Variants in PTH2R observed in about 807,000 individuals in gnomAD.
The protein encoded by PTH2R is PTH2 receptor.
PTH2R carries 59 observed loss-of-function variants against 60.3 expected under a neutral mutation model. The ratio of observed to expected loss-of-function variants is 0.98; its 90% CI spans 0.79 to 1.22. The LOEUF is 1.22. Ranked by LOEUF, PTH2R falls within the 50% of genes most tolerant of loss-of-function variation. The probability of loss-of-function intolerance (pLI) is 0.00; values close to 1 mark genes in which losing one functional copy is unlikely to be tolerated. For missense variants in PTH2R, 749 were observed against 682.6 expected (o/e 1.10, Z -1.08); for synonymous variants, 256 against 243.8 (o/e 1.05, Z -0.47).
rs1702390749 is a variant in PTH2R at position 208,450,774 on chromosome 2, A to G, written c.879A>G (p.Ala293=). 5 of 1,614,030 alleles carry G rather than the reference A, an allele frequency of 3.1e-6. No individual in the cohort carries two copies. Among genetic ancestry groups the G allele is most frequent in the Non-Finnish European group, 4.2e-6 (5 of 1,179,916 alleles). The change falls in exon 8 of 13, where the codon GCA becomes GCG. Residue 293 remains alanine (A), a synonymous_variant. Coordinates refer to ENST00000272847, the MANE Select transcript of PTH2R (RefSeq NM_005048.4). ...GWGFPAAFVA[A]WAVARATLAD... ...GGTTTCCAGCAGCATTTGTTGCAGC[A>G]TGGGCTGTGGCACGAGCAACTCTGG...
intron 1 of PTH2R, among the ~76,000 whole-genome samples, chr2:208,377,316 C>G (rs1341582773): frequency 6.6e-6 from 1 of 152,168 alleles, no homozygotes; most frequent in Non-Finnish European, 1.5e-5. Context: ...ATCCTTTCCC[C>G]ACCTTTCCCC....
chr2:208,466,787 T>C (rs1027559505), intron 9 of PTH2R, among the ~76,000 whole-genome samples: 1 of 152,202 alleles, frequency 6.6e-6, no homozygotes, highest in Non-Finnish European at 1.5e-5. Context: ...TTAATTTTTA[T>C]TGAATACATT....
At chr2:208,385,577 A>G (rs565110702) in intron 1 of PTH2R, among the ~76,000 whole-genome samples, 50 of 152,356 alleles carry the variant, frequency 3.3e-4, no homozygotes, top group African/African-American at 1.1e-3. Context: ...GAGGTATCAG[A>G]GCAATGCAAA....
intron 1 of PTH2R, among the ~76,000 whole-genome samples, chr2:208,367,857 C>T (rs146464038): frequency 2.0e-5 from 3 of 152,320 alleles, no homozygotes; most frequent in African/African-American, 4.8e-5. Flanking sequence ...CTCTTCTGGA[C>T]TCCCTTACTC....
chr2:208,477,914 C>T (rs62193681), intron 9 of PTH2R, among the ~76,000 whole-genome samples: 2 of 71,776 alleles, frequency 2.8e-5, no homozygotes, highest in African/African-American at 7.0e-5. Flanking sequence ...CTAGTACTAG[C>T]ACTACTACTA....
At chr2:208,408,002 C>T (rs1462366704) in intron 1 of PTH2R, among the ~76,000 whole-genome samples, 3 of 152,128 alleles carry the variant, frequency 2.0e-5, no homozygotes, top group Non-Finnish European at 2.9e-5. Flanking sequence ...ATACTATGTT[C>T]TCGGCTTTCA....
chr2:208,403,684 C>G (rs372332041), upstream of PTH2R, among the ~76,000 whole-genome samples: 2 of 152,188 alleles, frequency 1.3e-5, no homozygotes, highest in Non-Finnish European at 2.9e-5. Flanking sequence ...GCTCAGAAAT[C>G]TGTAATTTGG....
At chr2:208,447,331 G>A (rs892433088) in intron 7 of PTH2R, among the ~76,000 whole-genome samples, 2 of 151,598 alleles carry the variant, frequency 1.3e-5, no homozygotes, top group Non-Finnish European at 2.9e-5. Flanking sequence ...GCTCACGCCT[G>A]TAATCCCAGG....
At chr2:208,365,929 A>AT (rs1700571571) in intron 1 of PTH2R, among the ~76,000 whole-genome samples, 6 of 43,736 alleles carry the variant, frequency 1.4e-4, no homozygotes, top group Non-Finnish European at 2.3e-4. Context: ...ATAATAGATA[A>AT]ATATATATAT....
At chr2:208,453,631 C>G (rs968217101) in intron 8 of PTH2R, among the ~76,000 whole-genome samples, 2 of 152,130 alleles carry the variant, frequency 1.3e-5, no homozygotes, top group Non-Finnish European at 2.9e-5. Flanking sequence ...CATTTTTTCT[C>G]TCTTTGCTCC....
At chr2:208,436,549 C>T (rs1272728720) in intron 2 of PTH2R, among the ~76,000 whole-genome samples, 1 of 152,074 alleles carries the variant, frequency 6.6e-6, no homozygotes, top group African/African-American at 2.4e-5. Context: ...CAACAGAAGC[C>T]TAGGAGTCAT....
intron 12 of PTH2R, among the ~76,000 whole-genome samples, chr2:208,491,493 C>A (rs765240629): frequency 2.6e-5 from 4 of 152,106 alleles, no homozygotes; most frequent in Non-Finnish European, 5.9e-5. Flanking sequence ...GGGCTTCTGG[C>A]CAAGTTAGGT....
At chr2:208,432,302 T>C (rs1701989148) in intron 2 of PTH2R, among the ~76,000 whole-genome samples, 1 of 152,194 alleles carries the variant, frequency 6.6e-6, no homozygotes, top group African/African-American at 2.4e-5. Context: ...CTTTTCCCTG[T>C]GGGGTTAATG....
At chr2:208,379,003 GAC>G (rs986026650) in intron 1 of PTH2R, among the ~76,000 whole-genome samples, 2 of 150,968 alleles carry the variant, frequency 1.3e-5, no homozygotes, top group Admixed American at 1.3e-4. Context: ...GTTAACTGAA[GAC>G]ACAGTGTTAA....
At chr2:208,420,349 A>T (rs1172832169) in intron 1 of PTH2R, among the ~76,000 whole-genome samples, 1 of 152,118 alleles carries the variant, frequency 6.6e-6, no homozygotes. Flanking sequence ...GACTTTTTCA[A>T]TTTTGCCTAT....
At chr2:208,410,867 C>T (rs1406601677) in intron 1 of PTH2R, among the ~76,000 whole-genome samples, 2 of 152,046 alleles carry the variant, frequency 1.3e-5, no homozygotes, top group African/African-American at 2.4e-5. Context: ...ATCAAGTAGG[C>T]CTGCACTCTG....
At chr2:208,366,380 C>A (rs976162748) in intron 1 of PTH2R, among the ~76,000 whole-genome samples, 5 of 152,098 alleles carry the variant, frequency 3.3e-5, no homozygotes, top group African/African-American at 1.2e-4. Context: ...TCAGTACCTC[C>A]TATCTGGAGA....
At chr2:208,476,973 ACTT>A (rs1169715750) in intron 9 of PTH2R, among the ~76,000 whole-genome samples, 1 of 152,132 alleles carries the variant, frequency 6.6e-6, no homozygotes, top group Non-Finnish European at 1.5e-5. Flanking sequence ...CTAAATTTTG[ACTT>A]CTTTAAATGA....
chr2:208,425,957 T>C (rs1217756671), intron 1 of PTH2R, among the ~76,000 whole-genome samples: 1 of 152,262 alleles, frequency 6.6e-6, no homozygotes, highest in Non-Finnish European at 1.5e-5. Context: ...ATATTCATTT[T>C]ATATGTAATG....
Sources: gnomAD v4.1 joint callset for allele counts (sites outside exome capture counted in the v4.1 genomes callset) on GRCh38, gnomAD v4.1.1 for gene constraint, MANE v1.5 for transcripts, NCBI Gene and HGNC (gene_info 2026-07-23, HGNC 2026-07-21) for gene names.